FNDC3A: variants seen among roughly 807,000 people sequenced by gnomAD.
FNDC3A encodes fibronectin type III domain containing 3A.
FNDC3A carries 32 observed loss-of-function variants against 148.9 expected under a neutral mutation model. The observed-to-expected ratio is 0.21, with a 90% CI of 0.16 to 0.29. The LOEUF (loss-of-function observed/expected upper bound fraction) is 0.29, where lower values mean the gene tolerates loss of function less well. FNDC3A is among the 10% of genes least tolerant of loss of function. The probability of loss-of-function intolerance (pLI) is 1.00; values close to 1 mark genes in which losing one functional copy is unlikely to be tolerated. For missense variants in FNDC3A, 1,191 were observed against 1,452.8 expected (o/e 0.82, Z 2.93); for synonymous variants, 472 against 473.6 (o/e 1.00, Z 0.04).
rs888277508 is a variant in FNDC3A, at chr13:49,106,464, C to T, written c.176-8191C>T. Among the ~76,000 whole-genome samples, 6 of 152,178 alleles carry T rather than the reference C, an allele frequency of 3.9e-5. 1 individual carries two copies. The highest frequency in any genetic ancestry group is 3.9e-4 in the Admixed American group (6 of 15,288). ...AATAACTGGGACCACAGGCATGCACCACCACACCCAACTCAGTTTTTGAGA... is the reference window on the plus strand; with the variant it reads ...AATAACTGGGACCACAGGCATGCACTACCACACCCAACTCAGTTTTTGAGA... On this transcript the variant is annotated intron_variant, in intron 3 of 25. Coordinates refer to ENST00000492622, the MANE Select transcript of FNDC3A (RefSeq NM_001079673.2).
At chr13:49,037,876 C>T (rs919026890) in intron 2 of FNDC3A, among the ~76,000 whole-genome samples, 1 of 152,210 alleles carries the variant, frequency 6.6e-6, no homozygotes, top group Non-Finnish European at 1.5e-5. Context: ...GGGCATTCTA[C>T]AGTGCACTCT....
chr13:49,199,958 T>G (rs1488491562), intron 23 of FNDC3A, among the ~76,000 whole-genome samples: 1 of 152,220 alleles, frequency 6.6e-6, no homozygotes, highest in African/African-American at 2.4e-5. Context: ...TCATGTATTT[T>G]AATTACAGTG....
At chr13:49,134,065 TGCAACTC>T (rs1882187439) in intron 5 of FNDC3A, among the ~76,000 whole-genome samples, 1 of 152,226 alleles carries the variant, frequency 6.6e-6, no homozygotes, top group Admixed American at 6.5e-5. Flanking sequence ...GTGCAACATA[TGCAACTC>T]AATGTTTTCT....
Position 49,191,364 on chromosome 13 carries a change from C to T in FNDC3A, c.2206C>T (p.Arg736Cys), listed in dbSNP as rs771506910. 2.6e-5 allele frequency: 41 copies of T among 1,594,776 alleles called. No individual in the cohort carries two copies. The highest frequency in any genetic ancestry group is 1.4e-4 in the South Asian group (12 of 87,084). ...TGGAAAGACATACAGCTTCAGACTA[C>T]GTGCAGCTAACAAAATGGGGGTAAG... ...LPGKTYSFRL[R>C]AANKMGFGPF... Residue 736 changes from arginine to cysteine, a missense_variant, in exon 19 of 26, where the codon CGT (arginine) becomes TGT (cysteine). Around this residue, in one of 3 missense-constraint regions of FNDC3A, gnomAD observed 751 missense variants for 944.0 expected, o/e 0.80. Coordinates refer to ENST00000492622, the MANE Select transcript of FNDC3A (RefSeq NM_001079673.2).
At chr13:49,173,872 T>C (rs1264280494) in intron 11 of FNDC3A, among the ~76,000 whole-genome samples, 1 of 152,192 alleles carries the variant, frequency 6.6e-6, no homozygotes, top group Non-Finnish European at 1.5e-5. Flanking sequence ...TTTCTAAAAC[T>C]CTTTAGTTGT....
chr13:49,050,086 C>A (rs191923650), intron 2 of FNDC3A, among the ~76,000 whole-genome samples: 41 of 152,266 alleles, frequency 2.7e-4, no homozygotes, highest in African/African-American at 7.9e-4. Context: ...TTCAAAGAAC[C>A]AGCTTTTTGT....
intron 1 of FNDC3A, among the ~76,000 whole-genome samples, chr13:48,995,556 C>T (rs185530547): frequency 1.5e-3 from 235 of 152,232 alleles, no homozygotes; most frequent in Non-Finnish European, 2.9e-3. Flanking sequence ...TCCCTTCTCA[C>T]TTTCTCTACC....
chr13:49,153,298 T>C (rs986305428), intron 8 of FNDC3A, among the ~76,000 whole-genome samples: 3 of 152,174 alleles, frequency 2.0e-5, no homozygotes, highest in Non-Finnish European at 2.9e-5. Context: ...CATGTGTTTT[T>C]TGGCTGCCTA....
At chr13:48,998,414 C>CT (rs1244500762) in intron 1 of FNDC3A, among the ~76,000 whole-genome samples, 6 of 152,146 alleles carry the variant, frequency 3.9e-5, no homozygotes, top group Non-Finnish European at 8.8e-5. Context: ...ACAGTCAAAA[C>CT]TTTGTCTCAT....
At chr13:49,152,182 C>T (rs1454670620) in intron 8 of FNDC3A, among the ~76,000 whole-genome samples, 4 of 152,198 alleles carry the variant, frequency 2.6e-5, no homozygotes, top group African/African-American at 9.7e-5. Flanking sequence ...AACTAGTTTA[C>T]ACTACCACCA....
intron 10 of FNDC3A, among the ~76,000 whole-genome samples, chr13:49,171,343 G>T (rs562602451): frequency 6.6e-6 from 1 of 152,198 alleles, no homozygotes; most frequent in South Asian, 2.1e-4. Flanking sequence ...TTGACCAGGG[G>T]AGTCTTAAAG....
intron 3 of FNDC3A, among the ~76,000 whole-genome samples, chr13:49,108,924 A>G (rs766988896): frequency 1.3e-5 from 2 of 152,170 alleles, no homozygotes; most frequent in African/African-American, 2.4e-5. Flanking sequence ...TGTCTTACAT[A>G]TATTTATTGA....
chr13:49,054,597 G>A (rs1416913968), intron 2 of FNDC3A, among the ~76,000 whole-genome samples: 2 of 152,218 alleles, frequency 1.3e-5, no homozygotes, highest in Non-Finnish European at 2.9e-5. Context: ...CTCCAGATGG[G>A]ATGGGCAGTC....
chr13:48,985,832 TTGTA>T (rs1474764945), intron 1 of FNDC3A, among the ~76,000 whole-genome samples: 2 of 152,132 alleles, frequency 1.3e-5, no homozygotes, highest in Non-Finnish European at 2.9e-5. Context: ...AAAACAATGT[TTGTA>T]TGTGTATTTT....
chr13:49,063,014 A>C (rs1395740484), intron 2 of FNDC3A, among the ~76,000 whole-genome samples: 1 of 152,156 alleles, frequency 6.6e-6, no homozygotes, highest in African/African-American at 2.4e-5. Context: ...TGGTTTTCTT[A>C]GTTTTATTTC....
rs368188337 is a variant in FNDC3A at position 49,206,512 on chromosome 13, C to A, written c.3283-569C>A. On this transcript the variant is annotated intron_variant, in intron 25 of 25. Transcript: ENST00000492622. ...CTCTGAAAATCCGTGGAATTTCATTCTTTTTATTTCCCTTGTGAGGCATGG... is the reference window on the plus strand; with the variant it reads ...CTCTGAAAATCCGTGGAATTTCATTATTTTTATTTCCCTTGTGAGGCATGG... Among the ~76,000 whole-genome samples, 146 of 152,242 alleles carry A rather than the reference C, an allele frequency of 9.6e-4. 1 individual carries two copies. The highest frequency in any genetic ancestry group is 3.4e-3 in the African/African-American group (140 of 41,550).
chr13:49,188,585 T>C lies in FNDC3A; in HGVS notation c.1896T>C (p.Cys632=), dbSNP rs760458633. 1 of 1,613,952 alleles carries C rather than the reference T, an allele frequency of 6.2e-7. No individual in the cohort carries two copies. Among genetic ancestry groups the C allele is most frequent in the Admixed American group, 1.7e-5 (1 of 60,030 alleles). The change falls in exon 17 of 26, where the codon TGT becomes TGC. Residue 632 remains cysteine (C), a synonymous_variant. Transcript: ENST00000492622. ...TTTGTGATCGACTGAATCCAGGCTG[T>C]TTCTATCGTTTACGAGTTTACTGCA... The part of the protein sequence containing the change: ...EHLCDRLNPG[C]FYRLRVYCIS...
chr13:49,176,474 G>A (rs1006571006), intron 13 of FNDC3A, among the ~76,000 whole-genome samples: 6 of 152,100 alleles, frequency 3.9e-5, no homozygotes, highest in Admixed American at 6.5e-5. Flanking sequence ...ACACAGCAGT[G>A]CCTGTTGGAG....
At chr13:49,051,554 A>C (rs1875843155) in intron 2 of FNDC3A, among the ~76,000 whole-genome samples, 1 of 152,184 alleles carries the variant, frequency 6.6e-6, no homozygotes, top group Non-Finnish European at 1.5e-5. Context: ...TTAATCTGAT[A>C]AGTTTTCCTT....
Sources: allele counts gnomAD v4.1 joint callset (sites outside exome capture counted in the v4.1 genomes callset), GRCh38; gene constraint gnomAD v4.1.1; regional missense constraint gnomAD v4.1.1; transcripts MANE v1.5; gene names NCBI Gene and HGNC (gene_info 2026-07-23, HGNC 2026-07-21).